PNLIPRP3: variants seen among roughly 807,000 people sequenced by gnomAD.
PNLIPRP3 encodes pancreatic lipase-related protein 3.
In PNLIPRP3, 58 loss-of-function variants were observed where a neutral mutation model predicts 52.8. That is an observed-to-expected ratio of 1.10 (90% CI 0.89 to 1.37). The LOEUF is 1.37. PNLIPRP3 is among the 40% of genes most tolerant of loss of function. PNLIPRP3 has a pLI of 0.00. For synonymous variants in PNLIPRP3, 192 were observed against 185.0 expected (o/e 1.04, Z -0.31); for missense variants, 593 against 561.6 (o/e 1.06, Z -0.57).
chr10:116,432,160 T>C (rs903486889), intron 1 of PNLIPRP3, among the ~76,000 whole-genome samples: 9 of 152,222 alleles, frequency 5.9e-5, no homozygotes, highest in African/African-American at 1.7e-4. Context: ...TGAATTCCAG[T>C]GCTAATAGCA....
At position 116,477,099 on chromosome 10, in the gene PNLIPRP3, CT is replaced by C. The variant is rs776446056; in HGVS notation, c.1351del (p.Cys451ValfsTer14). On this transcript the variant is annotated frameshift_variant, in exon 12 of 12. Coordinates refer to ENST00000369230, the MANE Select transcript of PNLIPRP3 (RefSeq NM_001011709.3). LOFTEE classifies it low-confidence loss of function (END_TRUNC). ...SGKYGYKSTFCSQDIMGPNIL... is the reference protein window; with the variant it reads ...SGKYGYKSTFXSQDIMGPNIL... ...CCTTAAAAACTTTCAGATCTACCTT[CT>C]GTAGCCAAGACATTATGGGACCTAA... 6.3e-7 allele frequency: 1 copy of C among 1,592,446 alleles called. No individual in the cohort carries two copies. The highest frequency in any genetic ancestry group is 8.6e-7 in the Non-Finnish European group (1 of 1,165,838).
chr10:116,455,639 T>C (rs1193521413), intron 4 of PNLIPRP3, 83 bp from the exon 5 acceptor site: 2 of 868,382 alleles, frequency 2.3e-6, no homozygotes, highest in African/African-American at 9.7e-5. Context: ...ATGTTGATCC[T>C]TTTTTTTTTC....
chr10:116,432,895 A>T (rs1845726857), intron 1 of PNLIPRP3, among the ~76,000 whole-genome samples: 1 of 151,964 alleles, frequency 6.6e-6, no homozygotes, highest in South Asian at 2.1e-4. Context: ...CGGGCGGATC[A>T]CGAGGTCAGG....
chr10:116,446,238 C>T (rs1285419344), intron 4 of PNLIPRP3, among the ~76,000 whole-genome samples: 7 of 149,568 alleles, frequency 4.7e-5, no homozygotes, highest in African/African-American at 1.7e-4. Flanking sequence ...CCCAGCTACT[C>T]GGGAGGCTGA....
intron 4 of PNLIPRP3, among the ~76,000 whole-genome samples, chr10:116,449,067 C>G (rs1845998793): frequency 1.3e-5 from 2 of 151,540 alleles, no homozygotes; most frequent in South Asian, 4.2e-4. Context: ...GTAACATGCA[C>G]CCGTAGTCCT....
At chr10:116,469,162 C>T in intron 8 of PNLIPRP3, 23 bp from the exon 9 acceptor site, 1 of 1,603,214 alleles carries the variant, frequency 6.2e-7, no homozygotes, top group East Asian at 2.2e-5. Flanking sequence ...CATAAGTAAT[C>T]ACCTTTCATT....
At chr10:116,445,826 G>A (rs1254169812) in intron 4 of PNLIPRP3, among the ~76,000 whole-genome samples, 2 of 152,162 alleles carry the variant, frequency 1.3e-5, no homozygotes, top group Admixed American at 6.5e-5. Context: ...AGAAGGAGCA[G>A]CTAAAGGAAC....
intron 5 of PNLIPRP3, among the ~76,000 whole-genome samples, chr10:116,458,012 C>T (rs1382885401): frequency 6.6e-6 from 1 of 151,996 alleles, no homozygotes; most frequent in Non-Finnish European, 1.5e-5. Context: ...ACCTCACAAA[C>T]AGATTTTAGC....
intron 5 of PNLIPRP3, among the ~76,000 whole-genome samples, chr10:116,456,781 C>T (rs891808577): frequency 6.6e-6 from 1 of 152,182 alleles, no homozygotes; most frequent in African/African-American, 2.4e-5. Context: ...TGCATCCCCC[C>T]ACCAACAGCC....
chr10:116,476,382 C>CT (rs1846465821), intron 10 of PNLIPRP3, among the ~76,000 whole-genome samples: 1 of 152,188 alleles, frequency 6.6e-6, no homozygotes, highest in Non-Finnish European at 1.5e-5. Context: ...AAGACCAGAT[C>CT]TTTCACTATG....
chr10:116,457,366 T>G (rs572695191), intron 5 of PNLIPRP3, among the ~76,000 whole-genome samples: 25 of 152,134 alleles, frequency 1.6e-4, no homozygotes, highest in Admixed American at 1.5e-3. Context: ...GTGCTCGCTC[T>G]CTCTCTCACA....
chr10:116,459,176 C>T (rs1846156027), intron 5 of PNLIPRP3, among the ~76,000 whole-genome samples: 1 of 151,716 alleles, frequency 6.6e-6, no homozygotes, highest in Non-Finnish European at 1.5e-5. Context: ...TTTCTTTTGC[C>T]TTTGCCTATC....
intron 5 of PNLIPRP3, among the ~76,000 whole-genome samples, chr10:116,460,658 G>T (rs1846177748): frequency 6.6e-6 from 1 of 152,094 alleles, no homozygotes; most frequent in African/African-American, 2.4e-5. Flanking sequence ...TGCTTTTCAA[G>T]AACCTTTGTA....
At position 116,441,102 on chromosome 10, in the gene PNLIPRP3, A is replaced by G. The variant is rs904409237; in HGVS notation, c.205-1953A>G. Among the ~76,000 whole-genome samples the G allele has an allele frequency of 6.6e-5, 10 of 152,110 alleles. No individual in the cohort carries two copies. In the South Asian group the frequency reaches 1.0e-3, roughly 16 times the overall value. ...ATCTAAGCTGTCTTCTTTTGATCCC[A>G]TGATGGTGTATGGAGTTTCCCACAT... On this transcript the variant is annotated intron_variant, in intron 2 of 11. Coordinates refer to ENST00000369230, the MANE Select transcript of PNLIPRP3 (RefSeq NM_001011709.3).
chr10:116,443,583 T>C (rs1454455659), intron 3 of PNLIPRP3, among the ~76,000 whole-genome samples: 1 of 147,170 alleles, frequency 6.8e-6, no homozygotes, highest in Non-Finnish European at 1.5e-5. Flanking sequence ...AGTACCTATC[T>C]CACGGAGTGA....
At chr10:116,460,168 A>G (rs1377836747) in intron 5 of PNLIPRP3, among the ~76,000 whole-genome samples, 4 of 152,210 alleles carry the variant, frequency 2.6e-5, no homozygotes, top group Non-Finnish European at 5.9e-5. Flanking sequence ...CTGCCTCTGC[A>G]CGGAGGACAC....
intron 7 of PNLIPRP3, among the ~76,000 whole-genome samples, chr10:116,464,542 G>T (rs2133148735): frequency 6.6e-6 from 1 of 152,336 alleles, no homozygotes; most frequent in East Asian, 1.9e-4. Flanking sequence ...CTGTGGTAGG[G>T]CAGGTGGCTT....
intron 1 of PNLIPRP3, among the ~76,000 whole-genome samples, chr10:116,436,071 G>T (rs1845770033): frequency 6.6e-6 from 1 of 152,218 alleles, no homozygotes; most frequent in Admixed American, 6.5e-5. Flanking sequence ...TTTGACAAGG[G>T]TGCCAAGAAT....
intron 10 of PNLIPRP3, among the ~76,000 whole-genome samples, chr10:116,475,668 C>T (rs1343630261): frequency 1.3e-5 from 2 of 152,162 alleles, no homozygotes; most frequent in Non-Finnish European, 2.9e-5. Flanking sequence ...TATGTAGGTG[C>T]CTACGCTGTA....
Sources: allele counts gnomAD v4.1 joint callset (sites outside exome capture counted in the v4.1 genomes callset), GRCh38; gene constraint gnomAD v4.1.1; transcripts MANE v1.5; gene names NCBI Gene and HGNC (gene_info 2026-07-23, HGNC 2026-07-21).